Variants in NSF observed in about 807,000 individuals in gnomAD.
NSF encodes the protein vesicle-fusing ATPase.
Under a neutral mutation model 50.3 loss-of-function variants are expected in NSF, and 14 were observed. The ratio of observed to expected loss-of-function variants is 0.28; its 90% confidence interval spans 0.18 to 0.44. The LOEUF (loss-of-function observed/expected upper bound fraction) is 0.44. NSF is among the 20% of genes least tolerant of loss of function. NSF has a pLI of 1.00. For synonymous variants in NSF, 109 were observed against 175.7 expected, an observed-to-expected ratio of 0.62 and a Z score of 3.00; for missense variants, 218 against 504.3, an observed-to-expected ratio of 0.43 and a Z score of 5.44.
intron 17 of NSF, among the ~76,000 whole-genome samples, chr17:46,739,550 C>G (rs2059047829): frequency 6.6e-6 from 1 of 151,618 alleles, no homozygotes; most frequent in Non-Finnish European, 1.5e-5. Context: ...GAAAAAAACA[C>G]AAAAACATAA....
At chr17:46,755,588 A>G in intron 20 of NSF, 1 of 693,554 alleles carries the variant, frequency 1.4e-6, no homozygotes, top group South Asian at 1.9e-5. Context: ...AATGCAGGAA[A>G]AACTTAATGG....
At chr17:46,736,376 A>G (rs1045043713) in intron 17 of NSF, among the ~76,000 whole-genome samples, 12 of 152,198 alleles carry the variant, frequency 7.9e-5, no homozygotes, top group African/African-American at 2.7e-4. Flanking sequence ...ATGGTGCAAC[A>G]AAGTGGTGCT....
rs528166259 is a variant in NSF at position 46,740,893 on chromosome 17, C to T, written c.1909-8880C>T. Among the ~76,000 whole-genome samples the T allele has an allele frequency of 3.0e-3, 451 of 152,076 alleles. 4 individuals carry two copies. Among genetic ancestry groups the T allele is most frequent in the African/African-American group, 0.01 (425 of 41,466 alleles). On this transcript the variant is annotated intron_variant, in intron 17 of 20. Coordinates refer to ENST00000398238, the MANE Select transcript of NSF (RefSeq NM_006178.4). The stretch of plus-strand genomic sequence containing the variant: ...GCCAGGCTGGTCTTGAAATCCTGAC[C>T]GTTGGTGATCTGCCCGTCTCAATAT...
chr17:46,610,023 T>G (rs1360461396), intron 1 of NSF, among the ~76,000 whole-genome samples: 3 of 81,266 alleles, frequency 3.7e-5, no homozygotes, highest in East Asian at 2.3e-4. Flanking sequence ...CTTTCTTTCT[T>G]TCTTTCTCTC....
At chr17:46,723,739 C>T (rs1218813842) in intron 15 of NSF, among the ~76,000 whole-genome samples, 5 of 152,200 alleles carry the variant, frequency 3.3e-5, no homozygotes, top group African/African-American at 4.8e-5. Flanking sequence ...TCCTCCTAAA[C>T]ATCTCTAGAT....
At chr17:46,718,103 C>T (rs199457) in intron 15 of NSF, among the ~76,000 whole-genome samples, 20,340 of 152,260 alleles carry the variant, frequency 0.13, 1,858 homozygotes, top group Non-Finnish European at 0.2. Flanking sequence ...ACCTCAGGGC[C>T]TGGGGACTGA....
intron 15 of NSF, chr17:46,722,246 T>C: frequency 8.6e-7 from 1 of 1,167,162 alleles, no homozygotes; most frequent in Non-Finnish European, 1.3e-6. Flanking sequence ...AATCCCTACA[T>C]TCTTAAGATT....
intron 17 of NSF, among the ~76,000 whole-genome samples, chr17:46,745,816 T>C (rs1397883956): frequency 6.6e-6 from 1 of 152,250 alleles, no homozygotes; most frequent in Non-Finnish European, 1.5e-5. Flanking sequence ...AAAAATACTT[T>C]AAATATAACA....
At chr17:46,676,104 A>G (rs2058402484) in intron 9 of NSF, among the ~76,000 whole-genome samples, 1 of 133,890 alleles carries the variant, frequency 7.5e-6, no homozygotes, top group African/African-American at 3.0e-5. Context: ...GGTACCTTCA[A>G]AGGGGTTGTG....
chr17:46,733,492 T>C (rs1436697097), intron 17 of NSF, among the ~76,000 whole-genome samples: 6 of 152,234 alleles, frequency 3.9e-5, no homozygotes, highest in Admixed American at 2.6e-4. Context: ...TTGACACTTT[T>C]GTGCATCAAA....
rs536038024 is a variant in NSF, at chr17:46,609,204, T to C, written c.13-15040T>C. ...TAACTGTTGGTTACCCTGGGTGTGT[T>C]CACTTGTAGAAATTCATTGAGCCAA... On this transcript the variant is annotated intron_variant, in intron 1 of 20. Coordinates refer to ENST00000398238, the MANE Select transcript of NSF (RefSeq NM_006178.4). 2.0e-5 allele frequency among the ~76,000 whole-genome samples: 3 copies of C among 148,642 alleles called. No homozygotes were observed. In the South Asian group the frequency reaches 6.3e-4, roughly 31 times the overall value.
intron 9 of NSF, among the ~76,000 whole-genome samples, chr17:46,679,912 G>A (rs2058438175): frequency 6.8e-6 from 1 of 147,766 alleles, no homozygotes; most frequent in Non-Finnish European, 1.5e-5. Flanking sequence ...ATTTATAGCA[G>A]AAATCAGAAT....
intron 16 of NSF, among the ~76,000 whole-genome samples, chr17:46,727,792 T>C (rs531223458): frequency 1.3e-5 from 2 of 152,304 alleles, no homozygotes; most frequent in South Asian, 2.1e-4. Flanking sequence ...ATGTCAGGAA[T>C]GTGTGCCCTC....
At chr17:46,733,861 T>C (rs2058974396) in intron 17 of NSF, among the ~76,000 whole-genome samples, 1 of 152,228 alleles carries the variant, frequency 6.6e-6, no homozygotes, top group African/African-American at 2.4e-5. Flanking sequence ...CTAAATTTTA[T>C]GATGTTGTTG....
In NSF at chr17:46,719,962, C is replaced by A. The variant is rs753156101; in HGVS notation, c.1761+5976C>A. Among the ~76,000 whole-genome samples the A allele has an allele frequency of 6.6e-6, 1 of 152,150 alleles. No homozygotes were observed. The highest frequency in any genetic ancestry group is 1.5e-5 in the Non-Finnish European group (1 of 68,008). ...TTGAAAATTAATGGAAGAAATTTTC[C>A]TTTCCACTAGCTTTGCACGAAAGAA... On this transcript the variant is annotated intron_variant, in intron 15 of 20. Coordinates refer to ENST00000398238, the MANE Select transcript of NSF (RefSeq NM_006178.4). The surrounding 1 kb of genome is among the most constrained non-coding windows in gnomAD (Gnocchi z 4.3).
chr17:46,633,956 C>T (rs1185521196), intron 4 of NSF, among the ~76,000 whole-genome samples: 2 of 52,146 alleles, frequency 3.8e-5, no homozygotes, highest in Non-Finnish European at 6.3e-5. Flanking sequence ...ACTGCAGCCT[C>T]GCCTCCCAGG....
At chr17:46,680,881 AT>A (rs1377291490) in intron 9 of NSF, among the ~76,000 whole-genome samples, 1 of 63,786 alleles carries the variant, frequency 1.6e-5, no homozygotes, top group Non-Finnish European at 3.5e-5. Context: ...AAGAGGGATT[AT>A]TTCTTAAACA....
intron 8 of NSF, among the ~76,000 whole-genome samples, chr17:46,656,047 CT>C: frequency 5.4e-5 from 1 of 18,668 alleles, no homozygotes; most frequent in African/African-American, 3.2e-4. Flanking sequence ...CTTTTATTAT[CT>C]TACTTGAATG....
chr17:46,709,583 C>T (rs1170421205), intron 13 of NSF, among the ~76,000 whole-genome samples: 1 of 151,856 alleles, frequency 6.6e-6, no homozygotes, highest in African/African-American at 2.4e-5. Flanking sequence ...CAACCTCCGC[C>T]TCCCGGGTTC....
Sources: gnomAD v4.1 joint callset for allele counts (sites outside exome capture counted in the v4.1 genomes callset) on GRCh38, gnomAD v4.1.1 for gene constraint, Gnocchi (gnomAD v3.1) non-coding constraint, MANE v1.5 for transcripts, NCBI Gene and HGNC (gene_info 2026-07-23, HGNC 2026-07-21) for gene names.